The following NNT variants were observed in gnomAD, a reference collection of about 807,000 sequenced individuals.
The protein encoded by NNT is NAD(P) transhydrogenase, mitochondrial.
NNT carries 50 observed loss-of-function variants against 104.8 expected under a neutral mutation model. That is an observed-to-expected ratio of 0.48 (90% confidence interval 0.38 to 0.60). NNT has a LOEUF of 0.60. Ranked by LOEUF, NNT falls within the 20% of genes least tolerant of loss-of-function variation. The pLI is 0.00. For missense variants in NNT, 1,131 were observed against 1,330.7 expected (o/e 0.85, Z 2.33); for synonymous variants, 461 against 490.4 (o/e 0.94, Z 0.79).
chr5:43,674,286 T>G (rs1210275347), intron 17 of NNT, among the ~76,000 whole-genome samples: 4 of 152,172 alleles, frequency 2.6e-5, no homozygotes, highest in Non-Finnish European at 4.4e-5. Flanking sequence ...TTATCTTCTG[T>G]GTACCTTTTC....
intron 11 of NNT, among the ~76,000 whole-genome samples, chr5:43,650,158 G>A (rs73751797): frequency 0.032 from 4,849 of 152,134 alleles, 217 homozygotes; most frequent in African/African-American, 0.1. Flanking sequence ...TATAACACTG[G>A]TGGATTTATA....
At chr5:43,625,574 A>G (rs1750317743) in intron 6 of NNT, among the ~76,000 whole-genome samples, 2 of 152,242 alleles carry the variant, frequency 1.3e-5, no homozygotes, top group South Asian at 4.1e-4. Flanking sequence ...TCTTGTTGGA[A>G]GATTGAGTGG....
chr5:43,613,318 C>A, intron 3 of NNT, 181 bp downstream of exon 3: 1 of 572,940 alleles, frequency 1.7e-6, no homozygotes, highest in East Asian at 2.9e-5. Context: ...TTTTATCAGA[C>A]AATATGATCT....
chr5:43,628,340 A>G lies in NNT; in HGVS notation c.917A>G (p.Gln306Arg). Residue 306 changes from glutamine (Q) to arginine (R), a missense_variant, in exon 7 of 22, where the codon CAA (glutamine) becomes CGA (arginine). Transcript: ENST00000344920. Reference sequence around the variant, plus strand: ...GAAGCTGAAATGAAACTCTTTGCTCAACAATGCAAGGAGGTAGACATCCTT... The same window carrying G: ...GAAGCTGAAATGAAACTCTTTGCTCGACAATGCAAGGAGGTAGACATCCTT... ...FIEAEMKLFA[Q>R]QCKEVDILIS... is the part of the protein sequence containing the mutation. The G allele has an allele frequency of 6.2e-7, 1 of 1,613,954 alleles. No individual in the cohort carries two copies. The highest frequency in any genetic ancestry group is 8.5e-7 in the Non-Finnish European group (1 of 1,179,926).
chr5:43,644,155 A>G (rs200263044), intron 7 of NNT, 37 bp from the exon 8 acceptor site: 9 of 1,557,370 alleles, frequency 5.8e-6, no homozygotes, highest in East Asian at 2.2e-5. Context: ...TTAGAAAATG[A>G]TAATACAAAT....
intron 5 of NNT, among the ~76,000 whole-genome samples, chr5:43,621,534 A>T (rs1259203439): frequency 6.6e-6 from 1 of 151,750 alleles, no homozygotes; most frequent in Non-Finnish European, 1.5e-5. Flanking sequence ...AATACCTGAG[A>T]TAATTTTATT....
intron 19 of NNT, among the ~76,000 whole-genome samples, chr5:43,699,311 A>T (rs1325562093): frequency 6.7e-6 from 1 of 148,840 alleles, no homozygotes; most frequent in African/African-American, 2.5e-5. Context: ...GAGTGGCTGT[A>T]GGCTTTAACA....
intron 19 of NNT, among the ~76,000 whole-genome samples, chr5:43,683,738 G>A (rs865947290): frequency 1.1e-4 from 17 of 152,130 alleles, no homozygotes; most frequent in African/African-American, 3.4e-4. Flanking sequence ...ATGAAATTAT[G>A]TATAATTTTA....
intron 19 of NNT, among the ~76,000 whole-genome samples, chr5:43,684,780 A>G (rs1273727251): frequency 1.5e-4 from 23 of 152,204 alleles, no homozygotes; most frequent in Admixed American, 1.5e-3. Flanking sequence ...TATAACTGTC[A>G]CCAGAAGTTC....
chr5:43,658,347 A>G (rs896546623), intron 16 of NNT, among the ~76,000 whole-genome samples: 6 of 151,880 alleles, frequency 4.0e-5, no homozygotes, highest in Admixed American at 1.3e-4. Flanking sequence ...AGGTAAAAAC[A>G]TGTGAAATAA....
In NNT at chr5:43,653,022, T is replaced by C. The variant is rs771302903; in HGVS notation, c.1868T>C (p.Met623Thr). The change falls in exon 14 of 22, where the codon ATG (methionine) becomes ACG (threonine). Residue 623 changes from methionine (M) to threonine (T), a missense_variant. By Grantham distance (81) the Met-to-Thr change is moderately conservative. Transcript: ENST00000344920. Reference protein sequence around the residue: ...LYSGYNIEQIMYLGSGLCCVG... With the variant: ...LYSGYNIEQITYLGSGLCCVG... ...TCTCACTTTTCCTTTGAAAAGATCATGTACCTAGGCTCGGGTTTGTGCTGT... is the reference window on the plus strand; with the variant it reads ...TCTCACTTTTCCTTTGAAAAGATCACGTACCTAGGCTCGGGTTTGTGCTGT... 3 of 1,611,100 alleles carry C rather than the reference T, an allele frequency of 1.9e-6. No individual in the cohort carries two copies. Among genetic ancestry groups the C allele is most frequent in the Admixed American group, 1.7e-5 (1 of 59,594 alleles).
chr5:43,668,547 C>T lies in NNT; in HGVS notation c.2635-6964C>T, dbSNP rs186163251. 9.1e-3 allele frequency among the ~76,000 whole-genome samples: 1,383 copies of T among 152,230 alleles called. 25 individuals carry two copies. The highest frequency in any genetic ancestry group is 0.032 in the African/African-American group (1,340 of 41,536). ...TTTATTAAATAGGGAATCCTTTCCC[C>T]ATTTCTTGTTTTTGTCAGATTTGTC... On this transcript the variant is annotated intron_variant, in intron 17 of 21. Coordinates refer to ENST00000344920, the MANE Select transcript of NNT (RefSeq NM_182977.3).
rs1481816115 is a variant in NNT at position 43,706,671 on chromosome 5, C to T, written c.*2267C>T. On this transcript the variant is annotated 3_prime_UTR_variant, in exon 22 of 22. Transcript: ENST00000344920. ...ATGCTGCTATAAAGACACATGCACA[C>T]GTATGTTTATTGCAGCACTATTCAC... 6.6e-6 allele frequency: 1 copy of T among 152,172 alleles called. No homozygotes were observed. Among genetic ancestry groups the T allele is most frequent in the Non-Finnish European group, 1.5e-5 (1 of 68,036 alleles). 9.4% of individuals were successfully genotyped at this position (152,172 alleles called of 1,614,324 possible).
chr5:43,628,059 C>T (rs1750460266), intron 6 of NNT, 141 bp from the exon 7 acceptor site: 1 of 585,690 alleles, frequency 1.7e-6, no homozygotes, highest in Non-Finnish European at 2.7e-6. Context: ...AAAATTGGAA[C>T]AATTAAGTAC....
Position 43,656,637 on chromosome 5 carries a change from A to G in NNT, c.2294-16A>G. 6.3e-7 allele frequency: 1 copy of G among 1,594,878 alleles called. No individual in the cohort carries two copies. The highest frequency in any genetic ancestry group is 8.5e-7 in the Non-Finnish European group (1 of 1,172,978). Reference sequence around the variant, plus strand: ...CAACACATTCTGAATTGTAACTACTATGTGCTTGGCTCTAGGTCTCCTGAA... The same window carrying G: ...CAACACATTCTGAATTGTAACTACTGTGTGCTTGGCTCTAGGTCTCCTGAA... On this transcript the variant is annotated splice_polypyrimidine_tract_variant and intron_variant, in intron 15 of 21. Transcript: ENST00000344920.
At chr5:43,671,831 G>C (rs1379518720) in intron 17 of NNT, among the ~76,000 whole-genome samples, 2 of 152,154 alleles carry the variant, frequency 1.3e-5, no homozygotes, top group Non-Finnish European at 2.9e-5. Flanking sequence ...ATGTTGGCCT[G>C]CCTTGCTAGG....
intron 3 of NNT, among the ~76,000 whole-genome samples, chr5:43,615,085 C>T (rs1051071699): frequency 6.6e-6 from 1 of 151,500 alleles, no homozygotes; most frequent in Non-Finnish European, 1.5e-5. Context: ...TGCAGTGAGC[C>T]GAGATTGCGC....
chr5:43,624,659 T>C (rs1388588663), intron 6 of NNT, among the ~76,000 whole-genome samples: 2 of 152,244 alleles, frequency 1.3e-5, no homozygotes, highest in Non-Finnish European at 1.5e-5. Flanking sequence ...CTTGGTTATG[T>C]ATACTGTGTA....
At chr5:43,652,521 TGAACAATTTTTTTTTTTTTTTTGA>T (rs1739818660) in intron 13 of NNT, among the ~76,000 whole-genome samples, 1 of 151,438 alleles carries the variant, frequency 6.6e-6, no homozygotes, top group Non-Finnish European at 1.5e-5. Flanking sequence ...ATTTATTGAA[TGAACAATTTTTTTTTTTTTTTTGA>T]GAAGAGTTGG....
Sources: gnomAD v4.1 joint callset for allele counts (sites outside exome capture counted in the v4.1 genomes callset) on GRCh38, gnomAD v4.1.1 for gene constraint, MANE v1.5 for transcripts, NCBI Gene and HGNC (gene_info 2026-07-23, HGNC 2026-07-21) for gene names.